ARFGEF1: variants seen among roughly 807,000 people sequenced by gnomAD.
ARFGEF1 encodes the protein brefeldin A-inhibited guanine nucleotide-exchange protein 1.
A neutral mutation model predicts 231.0 loss-of-function variants in ARFGEF1; 42 were observed. The ratio of observed to expected loss-of-function variants is 0.18; its 90% CI spans 0.14 to 0.24. ARFGEF1 has a LOEUF of 0.24. ARFGEF1 is among the 10% of genes least tolerant of loss of function. The pLI is 1.00. For synonymous variants in ARFGEF1, 710 were observed against 732.3 expected (o/e 0.97, Z 0.49); for missense variants, 1,345 against 2,192.0 (o/e 0.61, Z 7.72).
At chr8:67,189,533 A>G (rs948639004) in intron 5 of ARFGEF1, among the ~76,000 whole-genome samples, 7 of 152,210 alleles carry the variant, frequency 4.6e-5, no homozygotes, top group Non-Finnish European at 8.8e-5. Context: ...AGTTATTCCT[A>G]TTTTTAAAAA....
intron 7 of ARFGEF1, among the ~76,000 whole-genome samples, chr8:67,279,083 G>A (rs1406676919): frequency 6.6e-6 from 1 of 152,114 alleles, no homozygotes; most frequent in Non-Finnish European, 1.5e-5. Context: ...GGGCAACATA[G>A]TGAGACACCA....
intron 33 of ARFGEF1, among the ~76,000 whole-genome samples, chr8:67,212,070 C>T (rs1838770882): frequency 6.6e-6 from 1 of 152,040 alleles, no homozygotes; most frequent in South Asian, 2.1e-4. Context: ...AAGAATTAGG[C>T]TCCAGTATTA....
At chr8:67,201,744 T>C in intron 36 of ARFGEF1, 139 bp from the exon 37 acceptor site, 2 of 1,119,324 alleles carry the variant, frequency 1.8e-6, no homozygotes, top group Non-Finnish European at 2.6e-6. Flanking sequence ...AGCAGCCTGA[T>C]GTGAAGGTGA....
chr8:67,181,338 ATTTTTTTTTTTT>A (rs58029238), intron 5 of ARFGEF1, among the ~76,000 whole-genome samples: 3 of 112,658 alleles, frequency 2.7e-5, no homozygotes, highest in South Asian at 5.8e-4. Context: ...GTACCTGGCC[ATTTTTTTTTTTT>A]TTTTTTTTTT....
chr8:67,260,623 C>G lies in ARFGEF1; in HGVS notation c.2124-697G>C, dbSNP rs550746424. ...GCTCATCTCTCTTCCTTTCCTTGGG[C>G]TTCCCTATTCTGAGACAAAAAAATA... On this transcript the variant is annotated intron_variant, in intron 14 of 38. Transcript: ENST00000262215. Among the ~76,000 whole-genome samples, 8 of 152,246 alleles carry G rather than the reference C, an allele frequency of 5.3e-5. No individual in the cohort carries two copies. In the South Asian group the frequency reaches 1.2e-3, roughly 24 times the overall value.
chr8:67,260,905 T>C (rs1186348186), intron 14 of ARFGEF1, among the ~76,000 whole-genome samples: 2 of 152,148 alleles, frequency 1.3e-5, no homozygotes, highest in Admixed American at 6.5e-5. Flanking sequence ...ACTGCTGATA[T>C]GGAGAAGGTT....
At chr8:67,234,512 G>GT (rs1018698817) in intron 22 of ARFGEF1, among the ~76,000 whole-genome samples, 13 of 152,212 alleles carry the variant, frequency 8.5e-5, no homozygotes, top group African/African-American at 3.1e-4. Context: ...GCTATATAAA[G>GT]TAATGGAAAC....
At chr8:67,323,957 C>G (rs952574698) in intron 1 of ARFGEF1, among the ~76,000 whole-genome samples, 2 of 152,086 alleles carry the variant, frequency 1.3e-5, no homozygotes, top group South Asian at 2.1e-4. Context: ...CCTGCCACTA[C>G]GCCTGGCTGA....
chr8:67,288,468 C>T (rs1805854289), intron 6 of ARFGEF1, among the ~76,000 whole-genome samples: 1 of 151,260 alleles, frequency 6.6e-6, no homozygotes, highest in Admixed American at 6.6e-5. Context: ...TGCAGTGGCT[C>T]ATGCCTGTAA....
intron 1 of ARFGEF1, among the ~76,000 whole-genome samples, chr8:67,322,219 G>A (rs1438916101): frequency 6.6e-6 from 1 of 152,084 alleles, no homozygotes; most frequent in African/African-American, 2.4e-5. Flanking sequence ...CTTTCCATGA[G>A]CCTCATCTCC....
intron 5 of ARFGEF1, among the ~76,000 whole-genome samples, chr8:67,184,943 C>CAAAAAAAAAAAAAAA (rs796384901): frequency 1.8e-5 from 1 of 56,084 alleles, no homozygotes; most frequent in African/African-American, 4.9e-5. Flanking sequence ...ACTAAAAATA[C>CAAAAAAAAAAAAAAA]AAAAAAAAAA....
intron 14 of ARFGEF1, among the ~76,000 whole-genome samples, chr8:67,263,442 C>T (rs1227241396): frequency 6.6e-6 from 1 of 152,184 alleles, no homozygotes; most frequent in African/African-American, 2.4e-5. Context: ...AGCACGCTAG[C>T]GCCAAGAGGA....
rs191353775 is a variant in ARFGEF1, at chr8:67,265,988, T to A, written c.2123+18A>T. The A allele has an allele frequency of 5.4e-5, 87 of 1,611,678 alleles. No homozygotes were observed. In the Admixed American group the frequency reaches 1.1e-3, roughly 20 times the overall value. On this transcript the variant is annotated intron_variant, in intron 14 of 38. Transcript: ENST00000262215. Reference sequence around the variant, plus strand: ...GAGAGATATTCAATAACATTTCTCCTTAAGCTATGACACTTACAAATCTAT... The same window carrying A: ...GAGAGATATTCAATAACATTTCTCCATAAGCTATGACACTTACAAATCTAT...
intron 19 of ARFGEF1, among the ~76,000 whole-genome samples, chr8:67,240,933 C>T (rs537116898): frequency 8.5e-5 from 13 of 152,202 alleles, no homozygotes; most frequent in African/African-American, 2.9e-4. Context: ...GCAAAAAAGA[C>T]GCTACTTTTT....
At chr8:67,201,382 G>A in intron 37 of ARFGEF1, 85 bp downstream of exon 37, 5 of 1,488,218 alleles carry the variant, frequency 3.4e-6, no homozygotes, top group Non-Finnish European at 4.5e-6. Context: ...AGCCTCAGCT[G>A]TCAGCATGGT....
chr8:67,215,210 A>G (rs1838885208), intron 33 of ARFGEF1, among the ~76,000 whole-genome samples: 1 of 152,158 alleles, frequency 6.6e-6, no homozygotes, highest in African/African-American at 2.4e-5. Flanking sequence ...ATCCATCCTT[A>G]ATGCAGATGC....
chr8:67,179,801 T>A, intron 5 of ARFGEF1: 1 of 1,152,192 alleles, frequency 8.7e-7, no homozygotes, highest in South Asian at 1.3e-5. Flanking sequence ...CTTCTTAGTA[T>A]AAATTTGTTG....
chr8:67,285,738 C>CAT (rs2128906163), intron 7 of ARFGEF1, among the ~76,000 whole-genome samples: 1 of 152,236 alleles, frequency 6.6e-6, no homozygotes, highest in East Asian at 1.9e-4. Flanking sequence ...CTAATATCAC[C>CAT]ATGCAGTATT....
intron 28 of ARFGEF1, among the ~76,000 whole-genome samples, 197 bp from the exon 29 acceptor site, chr8:67,225,230 G>A (rs1036040811): frequency 2.0e-5 from 3 of 152,144 alleles, no homozygotes; most frequent in Non-Finnish European, 4.4e-5. Context: ...AAACATAACT[G>A]CCTATAAAGA....
Sources: allele counts gnomAD v4.1 joint callset (sites outside exome capture counted in the v4.1 genomes callset), GRCh38; gene constraint gnomAD v4.1.1; transcripts MANE v1.5; gene names NCBI Gene and HGNC (gene_info 2026-07-23, HGNC 2026-07-21).